The following XPO5 variants were observed in gnomAD, a reference collection of about 807,000 sequenced individuals.
The protein encoded by XPO5 is exportin 5.
Under a neutral mutation model 160.6 loss-of-function variants are expected in XPO5, and 46 were observed. The observed-to-expected ratio is 0.29, with a 90% CI of 0.23 to 0.37. The LOEUF is 0.37. Among genes scored for constraint, XPO5 ranks in the 10% least tolerant of loss-of-function variants. The pLI, the probability that XPO5 is intolerant of heterozygous loss-of-function variation, is 1.00. For synonymous variants in XPO5, 537 were observed against 519.3 expected (o/e 1.03, Z -0.46); for missense variants, 1,090 against 1,463.9 (o/e 0.74, Z 4.17).
chr6:43,549,651 A>G (rs1795134752), intron 16 of XPO5, 73 bp from the exon 17 acceptor site: 14 of 1,520,740 alleles, frequency 9.2e-6, no homozygotes, highest in Non-Finnish European at 9.8e-6. Context: ...ACTCATGTGA[A>G]TATCTCAGTC....
At chr6:43,558,866 G>A (rs1762253684) in intron 11 of XPO5, 1 of 323,054 alleles carries the variant, frequency 3.1e-6, no homozygotes, top group Middle Eastern at 9.0e-4. Context: ...AAGGTCCCCA[G>A]AAAAAATGAC....
Position 43,556,002 on chromosome 6 carries a change from AT to A in XPO5, c.1313-39del, listed in dbSNP as rs748602433. 33 of 1,610,056 alleles carry A rather than the reference AT, an allele frequency of 2.0e-5. No individual in the cohort carries two copies. In the South Asian group the frequency reaches 3.6e-4, roughly 18 times the overall value. On this transcript the variant is annotated intron_variant, in intron 12 of 31. Coordinates refer to ENST00000265351, the MANE Select transcript of XPO5 (RefSeq NM_020750.3). ...AATGCCAAGGGAAGGACAGGAATCA[AT>A]AACTGGTATAAAATAAGTACTTAAT...
intron 23 of XPO5, 118 bp from the exon 24 acceptor site, chr6:43,529,043 T>C (rs781727509): frequency 2.5e-5 from 28 of 1,142,740 alleles, no homozygotes; most frequent in Non-Finnish European, 3.4e-5. Context: ...GTCAAAAATA[T>C]CCTGTGTTAA....
chr6:43,531,847 A>G (rs1561866791), intron 21 of XPO5, among the ~76,000 whole-genome samples: 1 of 152,162 alleles, frequency 6.6e-6, no homozygotes, highest in Non-Finnish European at 1.5e-5. Flanking sequence ...TGACAACTCA[A>G]AAGTATTTTT....
intron 20 of XPO5, among the ~76,000 whole-genome samples, chr6:43,545,475 G>A (rs2127726033): frequency 6.6e-6 from 1 of 152,242 alleles, no homozygotes; most frequent in East Asian, 1.9e-4. Context: ...GGGAGGCCGA[G>A]GTGGACTGAT....
At position 43,565,226 on chromosome 6, in the gene XPO5, C is replaced by T. The variant is rs533965917; in HGVS notation, c.911+434G>A. On this transcript the variant is annotated intron_variant, in intron 8 of 31. Coordinates refer to ENST00000265351, the MANE Select transcript of XPO5 (RefSeq NM_020750.3). ...TGTGAGCCACCACATCTGGCCAATG[C>T]CTCATTTTCTTATCCAAAAACACTG... Among the ~76,000 whole-genome samples, 3 of 152,128 alleles carry T rather than the reference C, an allele frequency of 2.0e-5. No individual in the cohort carries two copies. The South Asian group carries it at 6.2e-4, about 32-fold the overall frequency.
At chr6:43,535,889 A>G (rs569186489) in intron 20 of XPO5, among the ~76,000 whole-genome samples, 1 of 151,552 alleles carries the variant, frequency 6.6e-6, no homozygotes, top group African/African-American at 2.4e-5. Context: ...TAGGGAGGCC[A>G]AGGCCGGAGA....
chr6:43,557,325 C>G (rs1582233751), intron 12 of XPO5, among the ~76,000 whole-genome samples: 1 of 143,390 alleles, frequency 7.0e-6, no homozygotes, highest in African/African-American at 2.6e-5. Flanking sequence ...ATTCAGGAGG[C>G]TGAGGCAGGA....
At chr6:43,546,275 T>G (rs1794960393) in intron 20 of XPO5, among the ~76,000 whole-genome samples, 1 of 151,708 alleles carries the variant, frequency 6.6e-6, no homozygotes, top group African/African-American at 2.4e-5. Context: ...CAAATAAAAC[T>G]TACAAGTAAA....
At chr6:43,540,428 G>A (rs148093093) in intron 20 of XPO5, among the ~76,000 whole-genome samples, 1,907 of 152,170 alleles carry the variant, frequency 0.013, 40 homozygotes, top group African/African-American at 0.044. Flanking sequence ...GCAGTGAGCC[G>A]AGATGGCGCC....
chr6:43,546,580 G>A lies in XPO5; in HGVS notation c.2333C>T (p.Ala778Val), dbSNP rs375364641. 48 of 1,607,430 alleles carry A rather than the reference G, an allele frequency of 3.0e-5. No individual in the cohort carries two copies. Among genetic ancestry groups the A allele is most frequent in the Non-Finnish European group, 3.7e-5 (43 of 1,178,054 alleles). ...QILKLLDNLL[A>V]LIRTHNTLYA... Reference sequence around the variant, plus strand: ...CATTATTCTGACTCACCTTATAAGCGCAAGCAAATTGTCAAGAAGTTTCAG... The same window carrying A: ...CATTATTCTGACTCACCTTATAAGCACAAGCAAATTGTCAAGAAGTTTCAG... The change falls in exon 20 of 32, where the codon GCG becomes GTG. Residue 778 changes from alanine (A) to valine (V), a missense_variant. By Grantham distance (64) the Ala-to-Val change is moderately conservative. This residue lies in a region of XPO5 where 810 missense variants were observed against 1,139.0 expected (regional missense o/e 0.71). Transcript: ENST00000265351.
chr6:43,557,877 C>A (rs1259324081), intron 12 of XPO5, among the ~76,000 whole-genome samples: 7 of 150,810 alleles, frequency 4.6e-5, no homozygotes, highest in East Asian at 1.9e-4. Flanking sequence ...GGGCAGATGA[C>A]CTGAGGTCGG....
chr6:43,566,681 G>T, intron 7 of XPO5: 1 of 407,274 alleles, frequency 2.5e-6, no homozygotes, highest in South Asian at 1.8e-5. Flanking sequence ...ATGGTGGCGT[G>T]TGCCTATAGT....
At chr6:43,537,930 T>C (rs981963665) in intron 20 of XPO5, among the ~76,000 whole-genome samples, 3 of 151,296 alleles carry the variant, frequency 2.0e-5, no homozygotes, top group Non-Finnish European at 4.4e-5. Flanking sequence ...TAGCCAGGCG[T>C]GGTGGCGCAC....
rs1476860238 is a variant in XPO5, at chr6:43,549,512, G to A, written c.1837C>T (p.Arg613Cys). 1 of 1,612,796 alleles carries A rather than the reference G, an allele frequency of 6.2e-7. No individual in the cohort carries two copies. The change falls in exon 17 of 32, where the codon CGT becomes TGT. Residue 613 changes from arginine (R) to cysteine (C), a missense_variant. By Grantham distance (180) the Arg-to-Cys change is radical. Around this residue, in one of 3 missense-constraint regions of XPO5, gnomAD observed 810 missense variants for 1,139.0 expected, o/e 0.71. Coordinates refer to ENST00000265351, the MANE Select transcript of XPO5 (RefSeq NM_020750.3). ...ACCAGCACAAGCTGGGGGTAGTCAC[G>A]ACACATCTTGATGATGGAGGAACAA... ...HACSSIIKMC[R>C]DYPQLVLPNF...
chr6:43,526,566 T>C (rs1582193603), intron 27 of XPO5, 119 bp downstream of exon 27: 9 of 1,136,824 alleles, frequency 7.9e-6, no homozygotes, highest in South Asian at 5.4e-5. Flanking sequence ...GGTCCAGAGA[T>C]GATAACTACA....
intron 20 of XPO5, among the ~76,000 whole-genome samples, chr6:43,544,974 G>A (rs1794893892): frequency 6.6e-6 from 1 of 152,160 alleles, no homozygotes; most frequent in Non-Finnish European, 1.5e-5. Context: ...CCGGGTTCAA[G>A]CGATTCTCCT....
At chr6:43,545,796 T>C (rs1794938649) in intron 20 of XPO5, among the ~76,000 whole-genome samples, 1 of 152,034 alleles carries the variant, frequency 6.6e-6, no homozygotes, top group South Asian at 2.1e-4. Flanking sequence ...AAAAAACCTA[T>C]CTTTTCATTT....
rs1043571321 is a variant in XPO5, at chr6:43,522,830, C to T, written c.*1038G>A. 1.3e-5 allele frequency: 4 copies of T among 317,902 alleles called. No individual in the cohort carries two copies. Among genetic ancestry groups the T allele is most frequent in the Admixed American group, 6.7e-5 (2 of 29,762 alleles). 19.7% of individuals were successfully genotyped at this position (317,902 alleles called of 1,614,324 possible). A position where few individuals can be genotyped will look rare whatever the true frequency, so the allele number is the denominator to read the frequency against. Reference sequence around the variant, plus strand: ...CAGTAATAACCTCAGGGCCAGGTCCCGTATCCATGTCCTCTCTTTACAGGG... The same window carrying T: ...CAGTAATAACCTCAGGGCCAGGTCCTGTATCCATGTCCTCTCTTTACAGGG... On this transcript the variant is annotated 3_prime_UTR_variant, in exon 32 of 32. Coordinates refer to ENST00000265351, the MANE Select transcript of XPO5 (RefSeq NM_020750.3).
Sources: gnomAD v4.1 joint callset for allele counts (sites outside exome capture counted in the v4.1 genomes callset) on GRCh38, gnomAD v4.1.1 for gene constraint, gnomAD v4.1.1 regional missense constraint, MANE v1.5 for transcripts, NCBI Gene and HGNC (gene_info 2026-07-23, HGNC 2026-07-21) for gene names.